Variants in GRM7 observed in about 807,000 individuals in gnomAD.
The protein encoded by GRM7 is metabotropic glutamate receptor 7.
A neutral mutation model predicts 84.5 loss-of-function variants in GRM7; 35 were observed. That is an observed-to-expected ratio of 0.41 (90% CI 0.32 to 0.55). GRM7 has a LOEUF of 0.55. Ranked by LOEUF, GRM7 falls within the 20% of genes least tolerant of loss-of-function variation. GRM7 has a pLI of 0.19. For missense variants in GRM7, 1,003 were observed against 1,194.6 expected (o/e 0.84, Z 2.36); for synonymous variants, 487 against 455.1 (o/e 1.07, Z -0.89).
chr3:7,713,946 A>G (rs1200240628), intron 9 of GRM7, among the ~76,000 whole-genome samples: 1 of 152,078 alleles, frequency 6.6e-6, no homozygotes, highest in Non-Finnish European at 1.5e-5. Context: ...AGCCATCCGC[A>G]GAGTCTCTTC....
At chr3:7,197,169 G>A (rs1422041910) in intron 2 of GRM7, among the ~76,000 whole-genome samples, 1 of 152,018 alleles carries the variant, frequency 6.6e-6, no homozygotes, top group Non-Finnish European at 1.5e-5. Flanking sequence ...TGATGCTTTT[G>A]GTTAACCAAC....
At chr3:7,568,935 C>T (rs1694488765) in intron 7 of GRM7, among the ~76,000 whole-genome samples, 1 of 152,156 alleles carries the variant, frequency 6.6e-6, no homozygotes. Context: ...CCCTGCTCCA[C>T]CGGTGCCCTG....
At chr3:7,338,369 G>T (rs1001374443) in intron 4 of GRM7, among the ~76,000 whole-genome samples, 2 of 151,954 alleles carry the variant, frequency 1.3e-5, no homozygotes, top group Admixed American at 1.3e-4. Flanking sequence ...GTAGTGAGTG[G>T]TAAAGACTAC....
rs149850141 is a variant in GRM7 at position 7,239,245 on chromosome 3, C to T, written c.737-59439C>T. 3.0e-4 allele frequency among the ~76,000 whole-genome samples: 45 copies of T among 152,180 alleles called. No homozygotes were observed. The East Asian group carries it at 7.2e-3, about 24-fold the overall frequency. On this transcript the variant is annotated intron_variant, in intron 2 of 9. Transcript: ENST00000357716. ...CCAACTTCTGGGCTCAAGAGATTCA[C>T]TCATCTTGGCTTCCCAAAGTGCTAG...
At chr3:7,614,665 C>T (rs1325490643) in intron 8 of GRM7, among the ~76,000 whole-genome samples, 1 of 152,160 alleles carries the variant, frequency 6.6e-6, no homozygotes, top group African/African-American at 2.4e-5. Flanking sequence ...TCATTTTTCT[C>T]TTCCACATTA....
At chr3:7,409,502 G>T (rs1227130740) in intron 4 of GRM7, among the ~76,000 whole-genome samples, 1 of 152,058 alleles carries the variant, frequency 6.6e-6, no homozygotes, top group African/African-American at 2.4e-5. Context: ...GTTATTGTTT[G>T]TGTATATAAA....
chr3:7,550,263 C>T (rs1391799168), intron 7 of GRM7, among the ~76,000 whole-genome samples: 1 of 150,068 alleles, frequency 6.7e-6, no homozygotes, highest in Non-Finnish European at 1.5e-5. Flanking sequence ...TCCTCCTCCT[C>T]TCCCAACCCC....
At chr3:7,658,628 G>C (rs2125121141) in intron 8 of GRM7, among the ~76,000 whole-genome samples, 1 of 152,198 alleles carries the variant, frequency 6.6e-6, no homozygotes, top group Non-Finnish European at 1.5e-5. Flanking sequence ...ATGCTGTTTA[G>C]GCAATTTAAA....
At chr3:7,207,039 T>C (rs1005966194) in intron 2 of GRM7, among the ~76,000 whole-genome samples, 2 of 152,072 alleles carry the variant, frequency 1.3e-5, no homozygotes, top group Non-Finnish European at 2.9e-5. Context: ...TAAAGAAAGC[T>C]AGCATGAGAA....
chr3:7,689,074 A>C (rs1700695556), intron 9 of GRM7, among the ~76,000 whole-genome samples: 1 of 152,192 alleles, frequency 6.6e-6, no homozygotes. Context: ...AAAAAGCACA[A>C]TTAATCTGGC....
chr3:7,127,987 G>A (rs960995256), intron 1 of GRM7, among the ~76,000 whole-genome samples: 4 of 151,976 alleles, frequency 2.6e-5, no homozygotes, highest in Admixed American at 6.6e-5. Flanking sequence ...GAATTATTTC[G>A]AGTAGGAAAC....
At chr3:7,067,407 C>A (rs1168021201) in intron 1 of GRM7, among the ~76,000 whole-genome samples, 1 of 151,944 alleles carries the variant, frequency 6.6e-6, no homozygotes, top group Non-Finnish European at 1.5e-5. Context: ...ATCAAGAACT[C>A]AACCCTTTTT....
At chr3:7,581,835 A>T (rs925209035) in intron 8 of GRM7, among the ~76,000 whole-genome samples, 7 of 151,606 alleles carry the variant, frequency 4.6e-5, no homozygotes, top group Admixed American at 1.3e-4. Context: ...CACAACATAA[A>T]GAGACAGCAG....
At chr3:7,694,053 G>A (rs553711539) in intron 9 of GRM7, among the ~76,000 whole-genome samples, 2 of 152,104 alleles carry the variant, frequency 1.3e-5, no homozygotes, top group Non-Finnish European at 1.5e-5. Context: ...AAGAATGCAG[G>A]AAGAGTAGCA....
chr3:7,035,940 C>T (rs1696372402), intron 1 of GRM7, among the ~76,000 whole-genome samples: 1 of 152,304 alleles, frequency 6.6e-6, no homozygotes, highest in Middle Eastern at 3.4e-3. Context: ...GTGCCAGGCT[C>T]TGTTGCTAAA....
Position 7,385,340 on chromosome 3 carries a change from G to C in GRM7, c.1034-29683G>C, listed in dbSNP as rs538142917. On this transcript the variant is annotated intron_variant, in intron 4 of 9. Coordinates refer to ENST00000357716, the MANE Select transcript of GRM7 (RefSeq NM_000844.4). ...TTTTAAGACAGAGTCTCGCTCTGTC[G>C]CACAGGCTGGAGTGCAGTGGCGTGA... 3.4e-5 allele frequency among the ~76,000 whole-genome samples: 4 copies of C among 118,420 alleles called. No individual in the cohort carries two copies. In the East Asian group the frequency reaches 8.6e-4, roughly 26 times the overall value. 77.7% of individuals were successfully genotyped at this position (118,420 alleles called of 152,430 possible). A position where few individuals can be genotyped will look rare whatever the true frequency, so the allele number is the denominator to read the frequency against.
At chr3:7,014,582 C>G (rs1029419233) in intron 1 of GRM7, among the ~76,000 whole-genome samples, 4 of 152,124 alleles carry the variant, frequency 2.6e-5, no homozygotes, top group Non-Finnish European at 5.9e-5. Context: ...TCCCAAAGTG[C>G]TGGGATTACA....
rs572728802 is a variant in GRM7 at position 7,287,828 on chromosome 3, A to G, written c.737-10856A>G. Among the ~76,000 whole-genome samples the G allele has an allele frequency of 1.7e-3, 254 of 152,266 alleles. 1 individual carries two copies. The Middle Eastern group carries it at 0.02, about 12-fold the overall frequency. ...TAATAGTTTGCTGCGGGACTAATGT[A>G]TCTTAGCAGAGACACTAAAGGTAAG... On this transcript the variant is annotated intron_variant, in intron 2 of 9. Coordinates refer to ENST00000357716, the MANE Select transcript of GRM7 (RefSeq NM_000844.4).
intron 4 of GRM7, among the ~76,000 whole-genome samples, chr3:7,367,752 A>G (rs1054564035): frequency 6.6e-6 from 1 of 151,916 alleles, no homozygotes; most frequent in Non-Finnish European, 1.5e-5. Flanking sequence ...AGTACTGACC[A>G]TTGAAAAATG....
Sources: gnomAD v4.1 joint callset for allele counts (sites outside exome capture counted in the v4.1 genomes callset) on GRCh38, gnomAD v4.1.1 for gene constraint, MANE v1.5 for transcripts, NCBI Gene and HGNC (gene_info 2026-07-23, HGNC 2026-07-21) for gene names.